Variants in VANGL1 observed in about 807,000 individuals in gnomAD.
VANGL1 encodes the protein VANGL planar cell polarity protein 1.
In VANGL1, 18 loss-of-function variants were observed where a neutral mutation model predicts 48.4. The ratio of observed to expected loss-of-function variants is 0.37; its 90% CI spans 0.26 to 0.55. VANGL1 has a LOEUF of 0.55. Ranked by LOEUF, VANGL1 falls within the 20% of genes least tolerant of loss-of-function variation. The pLI is 0.81. For synonymous variants in VANGL1, 257 were observed against 261.8 expected (o/e 0.98, Z 0.18); for missense variants, 667 against 675.8 (o/e 0.99, Z 0.14).
chr1:115,653,115 A>G (rs1157502681), intron 2 of VANGL1, among the ~76,000 whole-genome samples: 1 of 152,206 alleles, frequency 6.6e-6, no homozygotes, highest in East Asian at 1.9e-4. Flanking sequence ...CTCTGAGTGT[A>G]GGATTATGGT....
rs561166964 is a variant in VANGL1, at chr1:115,661,449, C to A, written c.204+1676C>A. On this transcript the variant is annotated intron_variant, in intron 3 of 7. Coordinates refer to ENST00000355485, the MANE Select transcript of VANGL1 (RefSeq NM_138959.3). ...TTAGAATCATATGGTCCATCTCCTGCCCCCACCCACCCGCCCTGCTTAGCA... is the reference window on the plus strand; with the variant it reads ...TTAGAATCATATGGTCCATCTCCTGACCCCACCCACCCGCCCTGCTTAGCA... 1.4e-3 allele frequency among the ~76,000 whole-genome samples: 209 copies of A among 148,942 alleles called. 2 individuals are homozygous for A. The highest frequency in any genetic ancestry group is 5.0e-3 in the African/African-American group (200 of 40,244).
rs1057366423 is a variant in VANGL1 at position 115,694,001 on chromosome 1, G to T, written c.*2622G>T. The T allele has an allele frequency of 6.6e-6, 1 of 152,164 alleles. No individual in the cohort carries two copies. The highest frequency in any genetic ancestry group is 1.5e-5 in the Non-Finnish European group (1 of 68,036). The allele number at this position is 152,164 out of a possible 1,614,324, so 9.4% of individuals were successfully genotyped here. A position where few individuals can be genotyped will look rare whatever the true frequency, so the allele number is the denominator to read the frequency against. On this transcript the variant is annotated 3_prime_UTR_variant, in exon 8 of 8. Coordinates refer to ENST00000355485, the MANE Select transcript of VANGL1 (RefSeq NM_138959.3). ...CATTGAGTGTTAAAGAACTTAATGA[G>T]GAGTCTATATCTGAGATTGCTCTCT...
intron 7 of VANGL1, among the ~76,000 whole-genome samples, chr1:115,689,508 A>T (rs1270181531): frequency 7.3e-6 from 1 of 136,666 alleles, no homozygotes; most frequent in Non-Finnish European, 1.6e-5. Context: ...GTGGTGGCGC[A>T]TGCCTGTAAT....
At chr1:115,666,397 G>A (rs1570753839) in intron 4 of VANGL1, among the ~76,000 whole-genome samples, 2 of 152,290 alleles carry the variant, frequency 1.3e-5, no homozygotes, top group Non-Finnish European at 2.9e-5. Flanking sequence ...CCCGAGGAAA[G>A]TATGCCTGTG....
chr1:115,660,187 G>A (rs771233246), intron 3 of VANGL1, among the ~76,000 whole-genome samples: 2 of 152,192 alleles, frequency 1.3e-5, no homozygotes, highest in Non-Finnish European at 2.9e-5. Flanking sequence ...GAGGCCGCAC[G>A]CTCAGATGCC....
At chr1:115,667,356 T>G (rs1652831180) in intron 4 of VANGL1, among the ~76,000 whole-genome samples, 1 of 152,234 alleles carries the variant, frequency 6.6e-6, no homozygotes, top group Admixed American at 6.5e-5. Flanking sequence ...TGGGCTTATT[T>G]GAAAACTTTC....
rs759294896 is a variant in VANGL1 at position 115,691,076 on chromosome 1, A to G, written c.1315-43A>G. On this transcript the variant is annotated intron_variant, in intron 7 of 7. Transcript: ENST00000355485. The stretch of plus-strand genomic sequence containing the variant: ...GCCGCCTGGCAGTACTGCCCTTAAA[A>G]CAGGCTGTTTCTTCCCTAATGGCCT... 6 of 1,613,990 alleles carry G rather than the reference A, an allele frequency of 3.7e-6. No homozygotes were observed. The East Asian group carries it at 1.3e-4, about 36-fold the overall frequency.
intron 1 of VANGL1, among the ~76,000 whole-genome samples, chr1:115,644,099 A>G (rs1651827912): frequency 6.6e-6 from 1 of 152,156 alleles, no homozygotes; most frequent in African/African-American, 2.4e-5. Flanking sequence ...ACAATTTGTG[A>G]TTGTTGCTTA....
At chr1:115,670,038 T>A (rs1652922107) in intron 4 of VANGL1, among the ~76,000 whole-genome samples, 1 of 152,140 alleles carries the variant, frequency 6.6e-6, no homozygotes, top group African/African-American at 2.4e-5. Flanking sequence ...TTAAATGTAG[T>A]CATAGTGTGG....
intron 3 of VANGL1, among the ~76,000 whole-genome samples, chr1:115,661,673 A>G: frequency 6.6e-6 from 1 of 151,996 alleles, no homozygotes; most frequent in East Asian, 1.9e-4. Flanking sequence ...GCTGGAGTGC[A>G]GCGGCATGAT....
intron 7 of VANGL1, among the ~76,000 whole-genome samples, chr1:115,690,901 A>C (rs1383799397): frequency 6.6e-6 from 1 of 152,212 alleles, no homozygotes; most frequent in Non-Finnish European, 1.5e-5. Context: ...GGTGGATAGT[A>C]GGTAAAGGGG....
At chr1:115,663,401 T>C (rs769438996) in intron 3 of VANGL1, among the ~76,000 whole-genome samples, 4 of 152,226 alleles carry the variant, frequency 2.6e-5, no homozygotes, top group African/African-American at 7.2e-5. Context: ...CAATGTTATG[T>C]CAATGAATCA....
chr1:115,672,565 T>C (rs965658918), intron 4 of VANGL1, among the ~76,000 whole-genome samples: 1 of 151,598 alleles, frequency 6.6e-6, no homozygotes, highest in Admixed American at 6.6e-5. Context: ...CCCCTCTATC[T>C]TGAAAGTCCA....
intron 5 of VANGL1, among the ~76,000 whole-genome samples, chr1:115,683,398 C>T (rs1024736800): frequency 5.9e-5 from 9 of 152,212 alleles, no homozygotes; most frequent in African/African-American, 1.9e-4. Flanking sequence ...TCACGTTGCA[C>T]ACCCTCAAGC....
At chr1:115,686,839 C>G (rs1653655349) in intron 7 of VANGL1, among the ~76,000 whole-genome samples, 1 of 152,152 alleles carries the variant, frequency 6.6e-6, no homozygotes, top group South Asian at 2.1e-4. Flanking sequence ...TTAACTCTTT[C>G]AGTTCCTCTA....
At chr1:115,661,182 A>T (rs917277208) in intron 3 of VANGL1, among the ~76,000 whole-genome samples, 7 of 152,124 alleles carry the variant, frequency 4.6e-5, no homozygotes, top group African/African-American at 1.4e-4. Flanking sequence ...GTAGGCCTCA[A>T]TTTCTTTATT....
intron 2 of VANGL1, 134 bp from the exon 3 acceptor site, chr1:115,659,503 CTCTG>C: frequency 4.8e-6 from 5 of 1,046,872 alleles, no homozygotes; most frequent in Non-Finnish European, 7.0e-6. Context: ...GGTTTTGATG[CTCTG>C]TGTGTGTGTG....
intron 5 of VANGL1, 146 bp downstream of exon 5, chr1:115,682,643 T>A: frequency 7.9e-7 from 1 of 1,263,312 alleles, no homozygotes; most frequent in Non-Finnish European, 1.1e-6. Flanking sequence ...CTTTTTTATG[T>A]AGGCAGACAC....
chr1:115,690,226 G>A (rs1433424676), intron 7 of VANGL1, among the ~76,000 whole-genome samples: 1 of 152,196 alleles, frequency 6.6e-6, no homozygotes, highest in Non-Finnish European at 1.5e-5. Context: ...CACTTTGAAA[G>A]TAAAGGGTCA....
Sources: allele counts gnomAD v4.1 joint callset (sites outside exome capture counted in the v4.1 genomes callset), GRCh38; gene constraint gnomAD v4.1.1; transcripts MANE v1.5; gene names NCBI Gene and HGNC (gene_info 2026-07-23, HGNC 2026-07-21).